The following PEAK1 variants were observed in gnomAD, a reference collection of about 807,000 sequenced individuals.
PEAK1 encodes pseudopodium enriched atypical kinase 1, also known as inactive tyrosine-protein kinase PEAK1.
In PEAK1, 54 loss-of-function variants were observed where a neutral mutation model predicts 124.7. That is an observed-to-expected ratio of 0.43 (90% CI 0.35 to 0.54). PEAK1 has a LOEUF of 0.54. PEAK1 is among the 20% of genes least tolerant of loss of function. The probability of loss-of-function intolerance (pLI) is 0.01; values close to 1 mark genes in which losing one functional copy is unlikely to be tolerated. For synonymous variants in PEAK1, 719 were observed against 760.0 expected (o/e 0.95, Z 0.89); for missense variants, 2,046 against 2,134.5 (o/e 0.96, Z 0.82).
chr15:77,336,331 C>T (rs2066196946), intron 2 of PEAK1: 1 of 985,416 alleles, frequency 1.0e-6, no homozygotes, highest in Non-Finnish European at 1.2e-6. Flanking sequence ...AGGGCTCACC[C>T]TCATATTCTC....
At chr15:77,272,707 T>C (rs931151712) in intron 5 of PEAK1, among the ~76,000 whole-genome samples, 6 of 152,004 alleles carry the variant, frequency 3.9e-5, no homozygotes, top group Admixed American at 6.6e-5. Context: ...ACCAGTCCTA[T>C]TGACACTACT....
intron 5 of PEAK1, among the ~76,000 whole-genome samples, chr15:77,264,857 C>T (rs1312538050): frequency 2.6e-5 from 4 of 151,506 alleles, no homozygotes; most frequent in Admixed American, 6.6e-5. Flanking sequence ...TCAAACTATA[C>T]TACAAGGCTA....
chr15:77,128,025 A>C (rs551083114), intron 9 of PEAK1, among the ~76,000 whole-genome samples: 57 of 151,420 alleles, frequency 3.8e-4, no homozygotes, highest in African/African-American at 1.3e-3. Context: ...GCTGCAGTGA[A>C]CCGAGATCGT....
At chr15:77,288,191 C>T (rs929285879) in intron 2 of PEAK1, among the ~76,000 whole-genome samples, 1 of 152,180 alleles carries the variant, frequency 6.6e-6, no homozygotes, top group African/African-American at 2.4e-5. Context: ...GAATAAATGT[C>T]CAAGTATGAC....
chr15:77,169,517 T>G (rs2056358770), intron 7 of PEAK1, among the ~76,000 whole-genome samples: 1 of 152,162 alleles, frequency 6.6e-6, no homozygotes, highest in South Asian at 2.1e-4. Context: ...CCACCACAGC[T>G]TATTGAAAGA....
At chr15:77,307,120 C>T (rs938448939) in intron 2 of PEAK1, among the ~76,000 whole-genome samples, 2 of 152,016 alleles carry the variant, frequency 1.3e-5, no homozygotes, top group South Asian at 2.1e-4. Flanking sequence ...TATTATTAAA[C>T]CATAAGTAAC....
chr15:77,107,633 T>G (rs1176776241), downstream of PEAK1: 1 of 152,264 alleles, frequency 6.6e-6, no homozygotes, highest in Non-Finnish European at 1.5e-5. Flanking sequence ...AGGCCTCCTC[T>G]GCGCTGCTGA....
chr15:77,257,765 C>T (rs890623645), intron 5 of PEAK1, among the ~76,000 whole-genome samples: 1 of 152,088 alleles, frequency 6.6e-6, no homozygotes, highest in Admixed American at 6.5e-5. Flanking sequence ...GCTTTTGTTG[C>T]CATTGCTTTT....
intron 1 of PEAK1, among the ~76,000 whole-genome samples, chr15:77,390,370 T>G (rs956014893): frequency 6.6e-6 from 1 of 152,242 alleles, no homozygotes; most frequent in Non-Finnish European, 1.5e-5. Flanking sequence ...AAGCATAGCC[T>G]GCTTTGAGGA....
chr15:77,315,856 A>T (rs753769976), intron 2 of PEAK1, among the ~76,000 whole-genome samples: 165 of 152,218 alleles, frequency 1.1e-3, no homozygotes, highest in Non-Finnish European at 1.4e-3. Context: ...CCTGAAAACT[A>T]AATGTAAGTG....
chr15:77,400,585 C>T (rs1036195541), intron 1 of PEAK1, among the ~76,000 whole-genome samples: 1 of 152,084 alleles, frequency 6.6e-6, no homozygotes, highest in African/African-American at 2.4e-5. Context: ...CATGCTCTCA[C>T]TTATTTGTGG....
intron 6 of PEAK1, among the ~76,000 whole-genome samples, chr15:77,205,912 G>C (rs1477992965): frequency 6.6e-4 from 84 of 128,024 alleles, no homozygotes; most frequent in East Asian, 9.2e-4. Context: ...TGCCATGCTG[G>C]TGCGCTGCAC....
chr15:77,274,572 TC>T (rs1471945973), intron 5 of PEAK1, among the ~76,000 whole-genome samples: 2 of 151,656 alleles, frequency 1.3e-5, no homozygotes, highest in African/African-American at 4.8e-5. Context: ...ACTACCTTAC[TC>T]CTGCAACAAT....
At chr15:77,370,517 A>G in intron 1 of PEAK1, 1 of 172,804 alleles carries the variant, frequency 5.8e-6, no homozygotes, top group Non-Finnish European at 1.2e-5. Context: ...TAAAAGGGAT[A>G]ATTTCTTATA....
intron 1 of PEAK1, among the ~76,000 whole-genome samples, chr15:77,365,855 C>T (rs901790289): frequency 1.1e-4 from 17 of 151,136 alleles, no homozygotes; most frequent in African/African-American, 4.1e-4. Flanking sequence ...CTACAGTTTA[C>T]ACTCCCTATA....
intron 1 of PEAK1, among the ~76,000 whole-genome samples, chr15:77,397,252 T>C (rs1334611047): frequency 2.0e-5 from 3 of 152,030 alleles, no homozygotes; most frequent in Non-Finnish European, 2.9e-5. Flanking sequence ...TAAAACTTCT[T>C]GAAACAAATG....
chr15:77,308,377 A>ATTAT (rs983476494), intron 2 of PEAK1, among the ~76,000 whole-genome samples: 10 of 152,224 alleles, frequency 6.6e-5, no homozygotes, highest in African/African-American at 2.2e-4. Flanking sequence ...ATATGGCAAT[A>ATTAT]TTATGTGACT....
intron 1 of PEAK1, chr15:77,418,826 G>A: frequency 1.0e-6 from 1 of 984,804 alleles, no homozygotes; most frequent in South Asian, 4.7e-5. Context: ...TCATTTATCG[G>A]GGGAAAAAAA....
At chr15:77,300,985 G>C (rs1182779647) in intron 2 of PEAK1, among the ~76,000 whole-genome samples, 1 of 152,072 alleles carries the variant, frequency 6.6e-6, no homozygotes, top group Non-Finnish European at 1.5e-5. Flanking sequence ...CAGAGTAGCT[G>C]GGATTACAGG....
Sources: gnomAD v4.1 joint callset for allele counts (sites outside exome capture counted in the v4.1 genomes callset) on GRCh38, gnomAD v4.1.1 for gene constraint, MANE v1.5 for transcripts, NCBI Gene and HGNC (gene_info 2026-07-23, HGNC 2026-07-21) for gene names.